NRG3: variants seen among roughly 807,000 people sequenced by gnomAD.
The protein encoded by NRG3 is pro-neuregulin-3, membrane-bound isoform.
In NRG3, 31 loss-of-function variants were observed where a neutral mutation model predicts 66.9. The ratio of observed to expected loss-of-function variants is 0.46; its 90% CI spans 0.35 to 0.63. The LOEUF is 0.63. Among genes scored for constraint, NRG3 ranks in the 20% least tolerant of loss-of-function variants. The pLI is 0.00. For missense variants in NRG3, 910 were observed against 878.9 expected, an observed-to-expected ratio of 1.04 and a Z score of -0.45; for synonymous variants, 393 against 359.4, an observed-to-expected ratio of 1.09 and a Z score of -1.06.
intron 1 of NRG3, among the ~76,000 whole-genome samples, chr10:81,967,057 A>G (rs909805762): frequency 1.3e-5 from 2 of 151,874 alleles, no homozygotes; most frequent in African/African-American, 2.4e-5. Flanking sequence ...TTATACACTT[A>G]AGGTTTTATT....
At chr10:82,607,826 A>G (rs1233727800) in intron 2 of NRG3, among the ~76,000 whole-genome samples, 1 of 152,062 alleles carries the variant, frequency 6.6e-6, no homozygotes, top group African/African-American at 2.4e-5. Context: ...AATATAAAAC[A>G]ATAATATTTT....
At chr10:81,991,291 A>G (rs2060730587) in intron 1 of NRG3, among the ~76,000 whole-genome samples, 1 of 152,150 alleles carries the variant, frequency 6.6e-6, no homozygotes, top group African/African-American at 2.4e-5. Context: ...GAAAATGGTT[A>G]TTATCTCAAA....
intron 1 of NRG3, among the ~76,000 whole-genome samples, chr10:81,943,388 G>T (rs888591255): frequency 6.6e-6 from 1 of 152,064 alleles, no homozygotes; most frequent in African/African-American, 2.4e-5. Flanking sequence ...ATAATTTGAC[G>T]CATTAAGTTT....
chr10:82,813,354 C>T (rs887675503), intron 3 of NRG3, among the ~76,000 whole-genome samples: 3 of 151,438 alleles, frequency 2.0e-5, no homozygotes, highest in African/African-American at 7.3e-5. Flanking sequence ...GCTGGGATTA[C>T]AGGCATCCAC....
In NRG3 at chr10:82,357,982, G is replaced by A. The variant is rs531985157; in HGVS notation, c.824-757G>A. ...CTTAAAACTCTGTAATTGGAACAAT[G>A]TCTACATGTGGTAATAGAGTCTGTA... On this transcript the variant is annotated intron_variant, in intron 1 of 8. Coordinates refer to ENST00000372141, the MANE Select transcript of NRG3 (RefSeq NM_001010848.4). Among the ~76,000 whole-genome samples, 5 of 152,254 alleles carry A rather than the reference G, an allele frequency of 3.3e-5. No individual in the cohort carries two copies. The East Asian group carries it at 9.7e-4, about 29-fold the overall frequency.
rs796952123 is a variant in NRG3, at chr10:82,900,122, A to G, written c.1054+34685A>G. Among the ~76,000 whole-genome samples the G allele has an allele frequency of 9.9e-5, 15 of 152,214 alleles. 1 individual carries two copies. The highest frequency in any genetic ancestry group is 3.4e-4 in the African/African-American group (14 of 41,546). ...CAGGAGCAAGAGAGAGTGGTGTCAC[A>G]CTTTTAAAAGAGATCTCATGAGAAG... On this transcript the variant is annotated intron_variant, in intron 4 of 8. Coordinates refer to ENST00000372141, the MANE Select transcript of NRG3 (RefSeq NM_001010848.4).
At chr10:82,304,907 A>G (rs574232091) in intron 1 of NRG3, among the ~76,000 whole-genome samples, 36 of 151,704 alleles carry the variant, frequency 2.4e-4, no homozygotes, top group Non-Finnish European at 4.4e-4. Flanking sequence ...GAGCTATCTT[A>G]AAATATTGAC....
intron 3 of NRG3, among the ~76,000 whole-genome samples, chr10:82,853,639 T>G (rs1173913747): frequency 6.6e-6 from 1 of 152,126 alleles, no homozygotes; most frequent in African/African-American, 2.4e-5. Context: ...CTGATTTGTG[T>G]ACATTAATTT....
intron 1 of NRG3, among the ~76,000 whole-genome samples, chr10:82,345,254 A>G (rs1243067222): frequency 7.3e-6 from 1 of 136,808 alleles, no homozygotes; most frequent in Non-Finnish European, 1.5e-5. Context: ...GGTGTAAGGA[A>G]GGGATCCAGT....
intron 1 of NRG3, among the ~76,000 whole-genome samples, chr10:82,011,767 A>C (rs2061586287): frequency 6.6e-6 from 1 of 152,042 alleles, no homozygotes; most frequent in South Asian, 2.1e-4. Flanking sequence ...ATCTCCTTTG[A>C]CTCCATGTCT....
chr10:81,940,533 T>A (rs1305234305), intron 1 of NRG3, among the ~76,000 whole-genome samples: 2 of 151,918 alleles, frequency 1.3e-5, no homozygotes, highest in African/African-American at 4.8e-5. Context: ...TTATTTTTAT[T>A]TTTTGAGGAG....
At chr10:82,803,789 G>A (rs2061154960) in intron 3 of NRG3, among the ~76,000 whole-genome samples, 1 of 148,992 alleles carries the variant, frequency 6.7e-6, no homozygotes, top group Non-Finnish European at 1.5e-5. Context: ...AATTAAATGA[G>A]ATAATGGCTA....
At chr10:82,580,124 A>G (rs2046269208) in intron 2 of NRG3, among the ~76,000 whole-genome samples, 1 of 151,902 alleles carries the variant, frequency 6.6e-6, no homozygotes, top group South Asian at 2.1e-4. Context: ...TAGTTGTTAT[A>G]CTTCATTATT....
chr10:82,095,423 A>G (rs1012010674), intron 1 of NRG3, among the ~76,000 whole-genome samples: 2 of 152,230 alleles, frequency 1.3e-5, no homozygotes, highest in Non-Finnish European at 2.9e-5. Flanking sequence ...CCACATGAGT[A>G]TCACTAGCAT....
intron 3 of NRG3, among the ~76,000 whole-genome samples, chr10:82,847,470 CAT>C (rs1218232845): frequency 6.6e-6 from 1 of 152,114 alleles, no homozygotes; most frequent in Non-Finnish European, 1.5e-5. Context: ...GGAACTGAAA[CAT>C]AGAAATGTTA....
intron 4 of NRG3, among the ~76,000 whole-genome samples, chr10:82,903,264 G>T (rs1050272837): frequency 1.3e-5 from 2 of 152,122 alleles, no homozygotes; most frequent in Admixed American, 1.3e-4. Flanking sequence ...TGTTGAGCGT[G>T]TTTGCTTAAA....
intron 2 of NRG3, among the ~76,000 whole-genome samples, chr10:82,490,160 G>A (rs980719659): frequency 1.3e-5 from 2 of 152,110 alleles, no homozygotes; most frequent in African/African-American, 4.8e-5. Context: ...TCCCACACCA[G>A]CAGCCAACTT....
intron 1 of NRG3, among the ~76,000 whole-genome samples, chr10:82,027,917 C>T (rs1244068535): frequency 1.3e-5 from 2 of 152,116 alleles, no homozygotes; most frequent in Admixed American, 6.6e-5. Flanking sequence ...ACAGACTTTA[C>T]TCAGATCCGG....
chr10:82,682,908 C>G (rs2054211095), intron 2 of NRG3, among the ~76,000 whole-genome samples: 1 of 150,888 alleles, frequency 6.6e-6, no homozygotes, highest in Non-Finnish European at 1.5e-5. Flanking sequence ...CACACACCCT[C>G]TCCCAAACAG....
Sources: gnomAD v4.1 joint callset for allele counts (sites outside exome capture counted in the v4.1 genomes callset) on GRCh38, gnomAD v4.1.1 for gene constraint, MANE v1.5 for transcripts, NCBI Gene and HGNC (gene_info 2026-07-23, HGNC 2026-07-21) for gene names.